Variants in GALNT13 observed in about 807,000 individuals in gnomAD.
The protein encoded by GALNT13 is polypeptide N-acetylgalactosaminyltransferase 13.
In GALNT13, 28 loss-of-function variants were observed where a neutral mutation model predicts 64.2. The observed-to-expected ratio is 0.44, with a 90% confidence interval of 0.32 to 0.60. The LOEUF (loss-of-function observed/expected upper bound fraction) is 0.60, where lower values mean the gene tolerates loss of function less well. GALNT13 is among the 20% of genes least tolerant of loss of function. The pLI, the probability that GALNT13 is intolerant of heterozygous loss-of-function variation, is 0.05. For missense variants in GALNT13, 577 were observed against 669.8 expected, an observed-to-expected ratio of 0.86 and a Z score of 1.53; for synonymous variants, 214 against 224.6, an observed-to-expected ratio of 0.95 and a Z score of 0.42.
intron 4 of GALNT13, among the ~76,000 whole-genome samples, chr2:154,182,739 A>G (rs953613554): frequency 1.3e-5 from 2 of 150,922 alleles, no homozygotes; most frequent in African/African-American, 4.9e-5. Context: ...ATTGGTGTTG[A>G]CCCCTTTTTA....
At chr2:153,182,666 C>G in the GALNT13 span, among the ~76,000 whole-genome samples, 1 of 152,084 alleles carries the variant, frequency 6.6e-6, no homozygotes, top group South Asian at 2.1e-4. Flanking sequence ...TCCATGGTCC[C>G]ACTATCTCAT....
the GALNT13 span, among the ~76,000 whole-genome samples, chr2:153,255,076 G>T: frequency 1.3e-5 from 2 of 152,070 alleles, no homozygotes; most frequent in South Asian, 2.1e-4. Flanking sequence ...GGGTGTGAAA[G>T]TCTCCCATTA....
intron 8 of GALNT13, among the ~76,000 whole-genome samples, chr2:154,282,836 T>G (rs1045342142): frequency 6.6e-6 from 1 of 152,156 alleles, no homozygotes; most frequent in Non-Finnish European, 1.5e-5. Flanking sequence ...CTTGAGATGT[T>G]ATCATTACCT....
At chr2:153,431,423 T>C in the GALNT13 span, among the ~76,000 whole-genome samples, 1 of 152,158 alleles carries the variant, frequency 6.6e-6, no homozygotes, top group Non-Finnish European at 1.5e-5. Context: ...AGCTTGTCAA[T>C]AGTGGCTTTT....
the GALNT13 span, among the ~76,000 whole-genome samples, chr2:153,648,800 A>G: frequency 6.6e-6 from 1 of 152,164 alleles, no homozygotes; most frequent in Admixed American, 6.6e-5. Flanking sequence ...CCAGCCTTGC[A>G]TCCTAGGGAT....
At chr2:154,150,974 T>C (rs1162360361) in intron 4 of GALNT13, among the ~76,000 whole-genome samples, 1 of 152,158 alleles carries the variant, frequency 6.6e-6, no homozygotes, top group African/African-American at 2.4e-5. Flanking sequence ...TCTGTTAGCT[T>C]TTGAATGTGT....
At chr2:153,979,157 A>G (rs1346340359) in intron 3 of GALNT13, among the ~76,000 whole-genome samples, 1 of 152,114 alleles carries the variant, frequency 6.6e-6, no homozygotes, top group Non-Finnish European at 1.5e-5. Flanking sequence ...CTATCCAAGA[A>G]AAGCTCACAC....
chr2:154,052,846 T>C (rs766099139), intron 3 of GALNT13, among the ~76,000 whole-genome samples: 12 of 151,720 alleles, frequency 7.9e-5, no homozygotes, highest in Non-Finnish European at 1.3e-4. Context: ...TCGCCATTCT[T>C]CTGCCTCAGC....
chr2:153,737,377 G>A, the GALNT13 span, among the ~76,000 whole-genome samples: 1 of 151,650 alleles, frequency 6.6e-6, no homozygotes, highest in Non-Finnish European at 1.5e-5. Context: ...ATATTTATTG[G>A]AATTGTGGTT....
chr2:153,897,013 TTCTC>T (rs1687936792), intron 1 of GALNT13, among the ~76,000 whole-genome samples: 1 of 152,174 alleles, frequency 6.6e-6, no homozygotes, highest in Non-Finnish European at 1.5e-5. Flanking sequence ...TGTCTGTGCT[TTCTC>T]TCTATGTGCT....
the GALNT13 span, among the ~76,000 whole-genome samples, chr2:153,676,878 TC>T: frequency 1.3e-5 from 2 of 151,934 alleles, no homozygotes; most frequent in African/African-American, 4.8e-5. Context: ...GGAACATAAC[TC>T]AAAATAATGA....
chr2:154,066,754 A>G (rs1373497855), intron 3 of GALNT13, among the ~76,000 whole-genome samples: 4 of 152,166 alleles, frequency 2.6e-5, no homozygotes, highest in Non-Finnish European at 4.4e-5. Flanking sequence ...AATTTGAAAG[A>G]AAAGGATGTT....
At chr2:154,070,678 G>C (rs1169090560) in intron 3 of GALNT13, among the ~76,000 whole-genome samples, 2 of 152,084 alleles carry the variant, frequency 1.3e-5, no homozygotes, top group African/African-American at 4.8e-5. Context: ...AGCACTTTGG[G>C]AGGCCGAGGC....
the GALNT13 span, among the ~76,000 whole-genome samples, chr2:153,324,167 C>T: frequency 3.3e-5 from 5 of 152,018 alleles, no homozygotes; most frequent in Non-Finnish European, 7.4e-5. Flanking sequence ...CTCTAACTTC[C>T]TTGAGCATTG....
chr2:153,258,024 C>A, the GALNT13 span, among the ~76,000 whole-genome samples: 36 of 152,124 alleles, frequency 2.4e-4, no homozygotes, highest in African/African-American at 8.4e-4. Context: ...ATCTTGGGAC[C>A]TGAAGAAGAG....
At chr2:153,526,816 A>T in the GALNT13 span, among the ~76,000 whole-genome samples, 2 of 152,184 alleles carry the variant, frequency 1.3e-5, no homozygotes, top group Non-Finnish European at 2.9e-5. Context: ...GGAATTCAGA[A>T]TTCTATCAGA....
At chr2:153,491,594 ATATTTATT>A in the GALNT13 span, among the ~76,000 whole-genome samples, 35,053 of 145,288 alleles carry the variant, frequency 0.24, 4,781 homozygotes, top group East Asian at 0.56. Context: ...AAACCATATT[ATATTTATT>A]TATTTATTTA....
the GALNT13 span, among the ~76,000 whole-genome samples, chr2:153,684,204 T>C: frequency 6.6e-6 from 1 of 151,650 alleles, no homozygotes; most frequent in East Asian, 1.9e-4. Context: ...GTGAGATTAG[T>C]AGAAGAGTGA....
the GALNT13 span, among the ~76,000 whole-genome samples, chr2:153,225,004 T>C: frequency 6.6e-6 from 1 of 152,276 alleles, no homozygotes; most frequent in Non-Finnish European, 1.5e-5. Flanking sequence ...TTACAAATAT[T>C]ACAAATCAGA....
Sources: gnomAD v4.1 joint callset for allele counts (sites outside exome capture counted in the v4.1 genomes callset) on GRCh38, gnomAD v4.1.1 for gene constraint, MANE v1.5 for transcripts, NCBI Gene and HGNC (gene_info 2026-07-23, HGNC 2026-07-21) for gene names.